Variants in B4GALT1 observed in about 807,000 individuals in gnomAD.
B4GALT1 encodes the protein beta-1,4-galactosyltransferase 1.
In B4GALT1, 16 loss-of-function variants were observed where a neutral mutation model predicts 34.9. That is an observed-to-expected ratio of 0.46 (90% CI 0.31 to 0.70). The LOEUF (loss-of-function observed/expected upper bound fraction) is 0.70, where lower values mean the gene tolerates loss of function less well. Among genes scored for constraint, B4GALT1 ranks in the 30% least tolerant of loss-of-function variants. The pLI, the probability that B4GALT1 is intolerant of heterozygous loss-of-function variation, is 0.05. For missense variants in B4GALT1, 445 were observed against 530.5 expected (o/e 0.84, Z 1.58); for synonymous variants, 221 against 218.1 (o/e 1.01, Z -0.12).
chr9:33,181,282 G>A, the B4GALT1 span, among the ~76,000 whole-genome samples: 29 of 152,048 alleles, frequency 1.9e-4, no homozygotes, highest in Non-Finnish European at 2.8e-4. Flanking sequence ...TTAGCCAGGC[G>A]TGGTGGTGGT....
chr9:33,108,919 C>T (rs10971411), downstream of B4GALT1, among the ~76,000 whole-genome samples: 1 of 34,400 alleles, frequency 2.9e-5, no homozygotes, highest in East Asian at 6.2e-4. Context: ...CTAGGAGAAT[C>T]TTTTGTTCTA....
intron 2 of B4GALT1, among the ~76,000 whole-genome samples, chr9:33,123,583 G>A (rs1840052787): frequency 1.3e-5 from 2 of 152,148 alleles, no homozygotes; most frequent in Non-Finnish European, 2.9e-5. Flanking sequence ...GGGCTGCCCA[G>A]CCCAGGACAA....
chr9:33,148,281 A>T (rs1385614338), intron 1 of B4GALT1, among the ~76,000 whole-genome samples: 1 of 152,198 alleles, frequency 6.6e-6, no homozygotes, highest in Non-Finnish European at 1.5e-5. Flanking sequence ...AGAGAAAAAC[A>T]AGTTAAAACA....
At chr9:33,114,360 C>T (rs1383922675) in intron 4 of B4GALT1, among the ~76,000 whole-genome samples, 1 of 152,184 alleles carries the variant, frequency 6.6e-6, no homozygotes, top group East Asian at 1.9e-4. Context: ...AAGCCTAGTG[C>T]CCTCAGGGAG....
At chr9:33,132,493 C>T (rs1450401102) in intron 2 of B4GALT1, among the ~76,000 whole-genome samples, 4 of 152,230 alleles carry the variant, frequency 2.6e-5, no homozygotes, top group South Asian at 2.1e-4. Flanking sequence ...AAGCGTATTT[C>T]GCTCCATTTG....
At chr9:33,146,027 T>C (rs1012585623) in intron 1 of B4GALT1, among the ~76,000 whole-genome samples, 3 of 152,212 alleles carry the variant, frequency 2.0e-5, no homozygotes, top group Non-Finnish European at 2.9e-5. Flanking sequence ...GCATGACAGT[T>C]CCACTTCTGT....
intron 1 of B4GALT1, among the ~76,000 whole-genome samples, chr9:33,136,601 G>T (rs1470375462): frequency 6.6e-6 from 1 of 152,210 alleles, no homozygotes; most frequent in Non-Finnish European, 1.5e-5. Flanking sequence ...GCTCTGAGAA[G>T]TTGTGCAGTC....
At chr9:33,137,646 C>T (rs1184170064) in intron 1 of B4GALT1, among the ~76,000 whole-genome samples, 1 of 116,190 alleles carries the variant, frequency 8.6e-6, no homozygotes. Context: ...CGGGCCCTTC[C>T]CTTAGAGAGT....
intron 2 of B4GALT1, among the ~76,000 whole-genome samples, chr9:33,125,964 G>C (rs991660125): frequency 1.3e-5 from 2 of 152,156 alleles, no homozygotes; most frequent in African/African-American, 4.8e-5. Context: ...CAGCAACATG[G>C]CTGGAACCAT....
the B4GALT1 span, among the ~76,000 whole-genome samples, chr9:33,173,286 C>T: frequency 1.3e-5 from 2 of 152,032 alleles, no homozygotes; most frequent in Non-Finnish European, 2.9e-5. Flanking sequence ...TGCCTGTAAT[C>T]CACAGCTACT....
At chr9:33,155,671 T>C (rs545959655) in intron 1 of B4GALT1, among the ~76,000 whole-genome samples, 1 of 152,200 alleles carries the variant, frequency 6.6e-6, no homozygotes, top group South Asian at 2.1e-4. Context: ...TGTCCCTAAG[T>C]TGTGGTCAGA....
rs541353890 is a variant in B4GALT1, at chr9:33,159,499, G to C, written c.412+7259C>G. Among the ~76,000 whole-genome samples, 4 of 152,276 alleles carry C rather than the reference G, an allele frequency of 2.6e-5. No individual in the cohort carries two copies. The East Asian group carries it at 5.8e-4, about 22-fold the overall frequency. ...TCCTCAGAGAGAATTTATCTCCACT[G>C]AGGACATTCTAAAGGGAGTAACTTC... On this transcript the variant is annotated intron_variant, in intron 1 of 5. Transcript: ENST00000379731.
intron 3 of B4GALT1, among the ~76,000 whole-genome samples, chr9:33,119,675 C>G (rs1839992431): frequency 6.6e-6 from 1 of 152,152 alleles, no homozygotes; most frequent in African/African-American, 2.4e-5. Context: ...ATGATTGTGT[C>G]ACTGCACTCC....
chr9:33,158,420 T>C (rs578000519), intron 1 of B4GALT1, among the ~76,000 whole-genome samples: 7 of 152,270 alleles, frequency 4.6e-5, no homozygotes, highest in African/African-American at 1.7e-4. Context: ...ACTTCCTCTG[T>C]CCATAACAGT....
the B4GALT1 span, chr9:33,180,012 A>T: frequency 1.3e-5 from 2 of 152,088 alleles, no homozygotes; most frequent in African/African-American, 4.8e-5. Context: ...GTTTAAAGAG[A>T]TCAGCCATGT....
Position 33,167,103 on chromosome 9 carries a change from A to T in B4GALT1, c.67T>A (p.Cys23Ser). 6.2e-7 allele frequency: 1 copy of T among 1,605,020 alleles called. No individual in the cohort carries two copies. The highest frequency in any genetic ancestry group is 8.5e-7 in the Non-Finnish European group (1 of 1,178,804). ...AMPGASLQRA[C>S]RLLVAVCALH... ...GCGCAGACGGCCACGAGCAGGCGGC[A>T]GGCCCGCTGTAGGGACGCGCCTGGC... The change falls in exon 1 of 6, where the codon TGC (cysteine) becomes AGC (serine). Residue 23 changes from cysteine (C) to serine (S), a missense_variant. This residue lies in a region of B4GALT1 where 349 missense variants were observed against 395.5 expected (regional missense o/e 0.88). Transcript: ENST00000379731.
intron 1 of B4GALT1, among the ~76,000 whole-genome samples, chr9:33,163,613 C>T (rs1023145230): frequency 2.0e-5 from 3 of 152,220 alleles, no homozygotes; most frequent in Non-Finnish European, 4.4e-5. Context: ...GGCAGTGCCA[C>T]AGCTGGTCAA....
chr9:33,149,835 G>T (rs1203465209), intron 1 of B4GALT1, among the ~76,000 whole-genome samples: 1 of 152,092 alleles, frequency 6.6e-6, no homozygotes, highest in Non-Finnish European at 1.5e-5. Flanking sequence ...AAAATAACTG[G>T]CCTGTACTCT....
intron 2 of B4GALT1, among the ~76,000 whole-genome samples, chr9:33,131,222 G>C (rs565996961): frequency 3.0e-4 from 45 of 152,320 alleles, no homozygotes; most frequent in African/African-American, 1.1e-3. Flanking sequence ...GGAGTCAGAC[G>C]CTGGGGTTTG....
Sources: allele counts gnomAD v4.1 joint callset (sites outside exome capture counted in the v4.1 genomes callset), GRCh38; gene constraint gnomAD v4.1.1; regional missense constraint gnomAD v4.1.1; transcripts MANE v1.5; gene names NCBI Gene and HGNC (gene_info 2026-07-23, HGNC 2026-07-21).